The following NR5A2 variants were observed in gnomAD, a reference collection of about 807,000 sequenced individuals.
NR5A2 encodes the protein nuclear receptor subfamily 5 group A member 2.
A neutral mutation model predicts 62.7 loss-of-function variants in NR5A2; 26 were observed. That is an observed-to-expected ratio of 0.41 (90% CI 0.30 to 0.58). The LOEUF (loss-of-function observed/expected upper bound fraction) is 0.58. Ranked by LOEUF, NR5A2 falls within the 20% of genes least tolerant of loss-of-function variation. NR5A2 has a pLI of 0.22. For synonymous variants in NR5A2, 246 were observed against 241.7 expected, an observed-to-expected ratio of 1.02 and a Z score of -0.16; for missense variants, 541 against 669.1, an observed-to-expected ratio of 0.81 and a Z score of 2.11.
chr1:200,140,845 A>G (rs572994248), intron 7 of NR5A2, among the ~76,000 whole-genome samples: 1 of 152,340 alleles, frequency 6.6e-6, no homozygotes, highest in East Asian at 1.9e-4. Flanking sequence ...AGCCTGACCA[A>G]CATGCAGAAA....
intron 6 of NR5A2, among the ~76,000 whole-genome samples, chr1:200,116,123 C>T (rs1666204983): frequency 6.6e-6 from 1 of 152,006 alleles, no homozygotes; most frequent in Admixed American, 6.6e-5. Flanking sequence ...TTAAATATGC[C>T]TCAGTCCACA....
In NR5A2 at chr1:200,129,330, G is replaced by A. The variant is rs79376765; in HGVS notation, c.1378+8375G>A. Among the ~76,000 whole-genome samples the A allele has an allele frequency of 7.4e-3, 1,131 of 152,242 alleles. 8 individuals carry two copies. Among genetic ancestry groups the A allele is most frequent in the Non-Finnish European group, 0.013 (856 of 68,026 alleles). ...AGCCAAGAACTGCAGAGCAACTACT[G>A]ATCTCACATCTCACTTAAGAGACAA... On this transcript the variant is annotated intron_variant, in intron 7 of 7. Transcript: ENST00000367362.
At chr1:200,172,199 G>T (rs1654213660) in intron 7 of NR5A2, among the ~76,000 whole-genome samples, 1 of 152,092 alleles carries the variant, frequency 6.6e-6, no homozygotes, top group Non-Finnish European at 1.5e-5. Flanking sequence ...ATGTACCAAG[G>T]TAGGACATAT....
chr1:200,049,722 C>T (rs560937382), intron 5 of NR5A2, among the ~76,000 whole-genome samples: 17 of 152,120 alleles, frequency 1.1e-4, no homozygotes, highest in East Asian at 9.7e-4. Context: ...TTTGCTGTAA[C>T]GGGGAGAGAT....
intron 5 of NR5A2, among the ~76,000 whole-genome samples, chr1:200,099,017 C>A (rs1445524961): frequency 6.6e-6 from 1 of 152,138 alleles, no homozygotes; most frequent in Non-Finnish European, 1.5e-5. Context: ...TCTATGAATC[C>A]ATTTCTGGGA....
chr1:200,121,822 C>T lies in NR5A2; in HGVS notation c.1378+867C>T, dbSNP rs193157877. Among the ~76,000 whole-genome samples, 31 of 152,170 alleles carry T rather than the reference C, an allele frequency of 2.0e-4. 1 individual carries two copies. In the East Asian group the frequency reaches 4.6e-3, roughly 23 times the overall value. On this transcript the variant is annotated intron_variant, in intron 7 of 7. Coordinates refer to ENST00000367362, the MANE Select transcript of NR5A2 (RefSeq NM_205860.3). ...CACCAACATATGTTTTTTCTTTAGT[C>T]TTCAGTTATAAGATAGTTGTGAATT...
At chr1:200,096,635 T>G (rs1385822651) in intron 5 of NR5A2, among the ~76,000 whole-genome samples, 1 of 152,170 alleles carries the variant, frequency 6.6e-6, no homozygotes, top group East Asian at 1.9e-4. Flanking sequence ...GCCAACCAAC[T>G]CAGTCACTCT....
chr1:200,039,650 G>T lies in NR5A2; in HGVS notation c.65-8G>T, dbSNP rs898764332. The T allele has an allele frequency of 6.2e-7, 1 of 1,611,200 alleles. No individual in the cohort carries two copies. The highest frequency in any genetic ancestry group is 8.5e-7 in the Non-Finnish European group (1 of 1,179,004). On this transcript the variant is annotated splice_region_variant and splice_polypyrimidine_tract_variant and intron_variant, in intron 1 of 7. Transcript: ENST00000367362. This position sits in a 1 kb window ranked among gnomAD's most constrained non-coding sequence, Gnocchi z 5.1. ...CGCCGGAGTTGAATCTGTGCTGCCC[G>T]TGTCCAGGTGCTGGGCTTCCGGACC...
chr1:200,090,739 A>G (rs1163407852), intron 5 of NR5A2, among the ~76,000 whole-genome samples: 1 of 152,116 alleles, frequency 6.6e-6, no homozygotes, highest in Non-Finnish European at 1.5e-5. Flanking sequence ...GTGAGACTGT[A>G]CTCCTGGAGG....
Position 200,100,889 on chromosome 1 carries a change from C to A in NR5A2, c.1111-10313C>A, listed in dbSNP as rs1031103862. On this transcript the variant is annotated intron_variant, in intron 5 of 7. Coordinates refer to ENST00000367362, the MANE Select transcript of NR5A2 (RefSeq NM_205860.3). Reference sequence around the variant, plus strand: ...AGTAATGGGCTCTGGCTACAAGGAACCAAATTGTGGCTCATTTCCAACAAC... The same window carrying A: ...AGTAATGGGCTCTGGCTACAAGGAAACAAATTGTGGCTCATTTCCAACAAC... Among the ~76,000 whole-genome samples, 17 of 152,162 alleles carry A rather than the reference C, an allele frequency of 1.1e-4. 1 individual carries two copies. Among genetic ancestry groups the A allele is most frequent in the African/African-American group, 4.1e-4 (17 of 41,446 alleles).
At chr1:200,135,019 C>A (rs569335173) in intron 7 of NR5A2, among the ~76,000 whole-genome samples, 1 of 152,308 alleles carries the variant, frequency 6.6e-6, no homozygotes, top group East Asian at 1.9e-4. Flanking sequence ...GTACCCTATT[C>A]TTATAACATT....
intron 7 of NR5A2, among the ~76,000 whole-genome samples, chr1:200,152,307 C>CTA (rs1368309512): frequency 1.3e-5 from 2 of 152,060 alleles, no homozygotes; most frequent in Non-Finnish European, 2.9e-5. Context: ...GTATTCAGAT[C>CTA]TATATATTTA....
chr1:200,161,189 T>C (rs1213874282), intron 7 of NR5A2, among the ~76,000 whole-genome samples: 1 of 152,218 alleles, frequency 6.6e-6, no homozygotes, highest in Non-Finnish European at 1.5e-5. Flanking sequence ...TTTGGCCTTA[T>C]TGTTAAATCT....
chr1:200,102,477 C>G (rs984064799), intron 5 of NR5A2, among the ~76,000 whole-genome samples: 2 of 152,176 alleles, frequency 1.3e-5, no homozygotes, highest in Non-Finnish European at 2.9e-5. Context: ...CTGCTGACAG[C>G]TATCATGTTC....
Position 200,048,676 on chromosome 1 carries a change from T to C in NR5A2, c.968T>C (p.Met323Thr). The C allele has an allele frequency of 1.2e-6, 2 of 1,614,238 alleles. No individual in the cohort carries two copies. The highest frequency in any genetic ancestry group is 8.5e-7 in the Non-Finnish European group (1 of 1,180,030). ...GAGCCTCAAGTCCAGGCTAAAATCA[T>C]GGCCTATTTGCAGCAAGAGCAGGCT... ...PDEPQVQAKIMAYLQQEQANR... is the reference protein window; with the variant it reads ...PDEPQVQAKITAYLQQEQANR... The change falls in exon 5 of 8, where the codon ATG (methionine) becomes ACG (threonine). Residue 323 changes from methionine (M) to threonine (T), a missense_variant. Physicochemically the swap from Met to Thr is moderately conservative, Grantham distance 81. Around this residue, in one of 3 missense-constraint regions of NR5A2, gnomAD observed 379 missense variants for 442.0 expected, o/e 0.86. Transcript: ENST00000367362. This position sits in a 1 kb window ranked among gnomAD's most constrained non-coding sequence, Gnocchi z 4.8.
At chr1:200,112,110 A>G (rs2102294853) in intron 6 of NR5A2, among the ~76,000 whole-genome samples, 1 of 152,252 alleles carries the variant, frequency 6.6e-6, no homozygotes, top group East Asian at 1.9e-4. Context: ...ACCAATGAAA[A>G]GAAAATCAAC....
intron 1 of NR5A2, among the ~76,000 whole-genome samples, chr1:200,030,970 G>A (rs1661525784): frequency 6.6e-6 from 1 of 152,118 alleles, no homozygotes; most frequent in African/African-American, 2.4e-5. Context: ...GAAAGTAGAC[G>A]TTTCATCAGC....
At chr1:200,042,415 G>A (rs1413917543) in intron 2 of NR5A2, among the ~76,000 whole-genome samples, 10 of 152,226 alleles carry the variant, frequency 6.6e-5, no homozygotes, top group Non-Finnish European at 1.2e-4. Flanking sequence ...AAAAGAACAA[G>A]TCATCACTGC....
chr1:200,125,562 C>T (rs1666665729), intron 7 of NR5A2, among the ~76,000 whole-genome samples: 1 of 152,194 alleles, frequency 6.6e-6, no homozygotes, highest in African/African-American at 2.4e-5. Context: ...TCCTCATCTG[C>T]AGAGAAGCAA....
Sources: allele counts gnomAD v4.1 joint callset (sites outside exome capture counted in the v4.1 genomes callset), GRCh38; gene constraint gnomAD v4.1.1; regional missense constraint gnomAD v4.1.1; non-coding constraint Gnocchi (gnomAD v3.1); transcripts MANE v1.5; gene names NCBI Gene and HGNC (gene_info 2026-07-23, HGNC 2026-07-21).